Variants in TAOK3 observed in about 807,000 individuals in gnomAD.
The protein encoded by TAOK3 is serine/threonine-protein kinase TAO3.
In TAOK3, 40 loss-of-function variants were observed where a neutral mutation model predicts 120.4. The ratio of observed to expected loss-of-function variants is 0.33; its 90% CI spans 0.26 to 0.43. TAOK3 has a LOEUF of 0.43. Ranked by LOEUF, TAOK3 falls within the 20% of genes least tolerant of loss-of-function variation. The pLI is 1.00. For missense variants in TAOK3, 821 were observed against 1,112.1 expected (o/e 0.74, Z 3.72); for synonymous variants, 355 against 387.5 (o/e 0.92, Z 0.99).
intron 1 of TAOK3, among the ~76,000 whole-genome samples, chr12:118,290,173 C>G (rs1251017440): frequency 6.6e-6 from 1 of 152,144 alleles, no homozygotes; most frequent in Non-Finnish European, 1.5e-5. Context: ...TAATCCTCAT[C>G]ATGTACAGGA....
chr12:118,329,855 C>T (rs534484024), intron 1 of TAOK3, among the ~76,000 whole-genome samples: 14 of 152,164 alleles, frequency 9.2e-5, no homozygotes, highest in East Asian at 1.9e-4. Context: ...TAGCCACTTC[C>T]GCCAGGACTC....
In TAOK3 at chr12:118,228,135, T is replaced by C. The variant is rs138921175; in HGVS notation, c.643+5539A>G. On this transcript the variant is annotated intron_variant, in intron 9 of 20. Transcript: ENST00000392533. ...TATCTTTACAACTGTATTCTTATGTTTTATTAGTATATATACTCTTTTTTT... is the reference window on the plus strand; with the variant it reads ...TATCTTTACAACTGTATTCTTATGTCTTATTAGTATATATACTCTTTTTTT... Among the ~76,000 whole-genome samples the C allele has an allele frequency of 6.4e-3, 967 of 152,042 alleles. 7 individuals are homozygous for C. Among genetic ancestry groups the C allele is most frequent in the Middle Eastern group, 0.024 (7 of 294 alleles).
chr12:118,266,819 C>G (rs1183430348), intron 1 of TAOK3, 60 bp from the exon 2 acceptor site: 1 of 389,634 alleles, frequency 2.6e-6, no homozygotes, highest in Admixed American at 4.4e-5. Flanking sequence ...TCAATAATTG[C>G]TCATGTGGTA....
chr12:118,169,076 C>T (rs147792980), intron 17 of TAOK3, among the ~76,000 whole-genome samples: 2,897 of 151,970 alleles, frequency 0.019, 96 homozygotes, highest in African/African-American at 0.066. Flanking sequence ...TGGAATGGCG[C>T]GATCTCGGCT....
At chr12:118,323,419 T>A (rs78321234) in intron 1 of TAOK3, among the ~76,000 whole-genome samples, 3,103 of 152,238 alleles carry the variant, frequency 0.02, 110 homozygotes, top group African/African-American at 0.071. Context: ...GCCAAAATAA[T>A]TTTGATTTTT....
intron 1 of TAOK3, among the ~76,000 whole-genome samples, chr12:118,328,074 G>C (rs1026796104): frequency 6.8e-6 from 1 of 147,442 alleles, no homozygotes. Flanking sequence ...TTTTTTTTGA[G>C]ACAGAATCTC....
chr12:118,156,172 T>C (rs1371857668), intron 19 of TAOK3, among the ~76,000 whole-genome samples: 1 of 152,086 alleles, frequency 6.6e-6, no homozygotes, highest in Non-Finnish European at 1.5e-5. Context: ...TTGCCTTTCA[T>C]CTCCCTCTGC....
At chr12:118,271,265 G>GC (rs1376799762) in intron 1 of TAOK3, among the ~76,000 whole-genome samples, 39 of 152,124 alleles carry the variant, frequency 2.6e-4, no homozygotes, top group African/African-American at 9.4e-4. Context: ...ACCAACCACA[G>GC]TTATTTTTAG....
At chr12:118,215,115 G>T (rs1172799581) in intron 9 of TAOK3, among the ~76,000 whole-genome samples, 1 of 150,574 alleles carries the variant, frequency 6.6e-6, no homozygotes, top group African/African-American at 2.4e-5. Context: ...TCCTGACCTC[G>T]TGATCCACCC....
At chr12:118,279,156 T>G (rs1196503275) in intron 1 of TAOK3, among the ~76,000 whole-genome samples, 1 of 152,134 alleles carries the variant, frequency 6.6e-6, no homozygotes, top group Non-Finnish European at 1.5e-5. Flanking sequence ...TGGTTTTGAT[T>G]TGTATTTCTC....
intron 11 of TAOK3, among the ~76,000 whole-genome samples, chr12:118,207,701 A>T (rs575051973): frequency 6.6e-6 from 1 of 152,164 alleles, no homozygotes; most frequent in South Asian, 2.1e-4. Flanking sequence ...CTAAAAATAG[A>T]AAAACTAGCC....
chr12:118,177,447 C>A, intron 15 of TAOK3, 118 bp from the exon 16 acceptor site: 30 of 595,000 alleles, frequency 5.0e-5, no homozygotes, highest in South Asian at 1.2e-4. Context: ...CATTTTTGAA[C>A]AAATATTAAA....
intron 15 of TAOK3, among the ~76,000 whole-genome samples, chr12:118,178,071 T>A (rs2036461123): frequency 6.6e-6 from 1 of 151,950 alleles, no homozygotes; most frequent in Non-Finnish European, 1.5e-5. Context: ...CTCAGCCTCC[T>A]GAGCTGCTGG....
At chr12:118,325,557 C>T (rs2043902185) in intron 1 of TAOK3, among the ~76,000 whole-genome samples, 2 of 151,986 alleles carry the variant, frequency 1.3e-5, no homozygotes, top group Non-Finnish European at 2.9e-5. Context: ...GATCTTTTGC[C>T]CATTTTAAAA....
At chr12:118,321,892 T>G in intron 1 of TAOK3, among the ~76,000 whole-genome samples, 1 of 151,774 alleles carries the variant, frequency 6.6e-6, no homozygotes, top group East Asian at 1.9e-4. Context: ...CTGGAAAAGA[T>G]GGAAAGGTGG....
In TAOK3 at chr12:118,264,737, AC is replaced by A. The variant is rs1003295792; in HGVS notation, c.-89+1917del. ...ACACATTATTGTTGTAGAAAGATGT[AC>A]CAAATTGAAATAAGTCTGGGTGTGG... On this transcript the variant is annotated intron_variant, in intron 2 of 20. Coordinates refer to ENST00000392533, the MANE Select transcript of TAOK3 (RefSeq NM_016281.4). Among the ~76,000 whole-genome samples the A allele has an allele frequency of 3.3e-5, 5 of 152,198 alleles. 1 individual carries two copies. Among genetic ancestry groups the A allele is most frequent in the African/African-American group, 1.2e-4 (5 of 41,442 alleles).
chr12:118,205,413 T>C (rs578038753), intron 11 of TAOK3, among the ~76,000 whole-genome samples: 67 of 150,440 alleles, frequency 4.5e-4, no homozygotes, highest in African/African-American at 1.6e-3. Context: ...AGTGAGAAAA[T>C]TTGGGCCCTG....
intron 15 of TAOK3, among the ~76,000 whole-genome samples, chr12:118,179,024 A>G (rs1227658002): frequency 2.6e-5 from 4 of 152,228 alleles, no homozygotes; most frequent in Admixed American, 2.0e-4. Context: ...TCCATTATGA[A>G]CAATTCTCAC....
At chr12:118,189,647 G>C (rs1297835778) in intron 14 of TAOK3, among the ~76,000 whole-genome samples, 160 bp downstream of exon 14, 2 of 149,288 alleles carry the variant, frequency 1.3e-5, no homozygotes, top group Non-Finnish European at 3.0e-5. Context: ...TATGCCAACA[G>C]ATTTTTTTCC....
Sources: gnomAD v4.1 joint callset for allele counts (sites outside exome capture counted in the v4.1 genomes callset) on GRCh38, gnomAD v4.1.1 for gene constraint, MANE v1.5 for transcripts, NCBI Gene and HGNC (gene_info 2026-07-23, HGNC 2026-07-21) for gene names.